SOS2: variants seen among roughly 807,000 people sequenced by gnomAD.
SOS2 encodes the protein SOS Ras/Rho guanine nucleotide exchange factor 2, also known as son of sevenless homolog 2.
Under a neutral mutation model 148.2 loss-of-function variants are expected in SOS2, and 65 were observed. The ratio of observed to expected loss-of-function variants is 0.44; its 90% CI spans 0.36 to 0.54. The LOEUF (loss-of-function observed/expected upper bound fraction) is 0.54. SOS2 is among the 20% of genes least tolerant of loss of function. The probability of loss-of-function intolerance (pLI) is 0.00; values close to 1 mark genes in which losing one functional copy is unlikely to be tolerated. For synonymous variants in SOS2, 539 were observed against 537.1 expected (o/e 1.00, Z -0.05); for missense variants, 1,341 against 1,590.2 (o/e 0.84, Z 2.67).
chr14:50,213,312 A>T (rs1199826912), intron 1 of SOS2, among the ~76,000 whole-genome samples: 2 of 152,204 alleles, frequency 1.3e-5, no homozygotes, highest in Non-Finnish European at 2.9e-5. Context: ...TTTGGTAATA[A>T]GTGTACTACA....
chr14:50,118,141 C>CAAT lies in SOS2; in HGVS notation c.*200_*202dup, dbSNP rs1225175437. On this transcript the variant is annotated 3_prime_UTR_variant, in exon 23 of 23. Coordinates refer to ENST00000216373, the MANE Select transcript of SOS2 (RefSeq NM_006939.4). Reference sequence around the variant, plus strand: ...GCAGCACTGAGGATCCAAGACAAGGCAATGCTACTGATCACCTGAGGATAA... The same window carrying CAAT: ...GCAGCACTGAGGATCCAAGACAAGGCAATAATGCTACTGATCACCTGAGGATAA... 1.8e-5 allele frequency: 10 copies of CAAT among 543,342 alleles called. No individual in the cohort carries two copies. Among genetic ancestry groups the CAAT allele is most frequent in the Middle Eastern group, 4.8e-4 (1 of 2,084 alleles). The allele number at this position is 543,342 out of a possible 1,614,324, so 33.7% of individuals were successfully genotyped here.
intron 1 of SOS2, among the ~76,000 whole-genome samples, chr14:50,224,583 T>C (rs920235246): frequency 2.0e-5 from 3 of 151,778 alleles, no homozygotes; most frequent in Non-Finnish European, 4.4e-5. Flanking sequence ...ATAATATACT[T>C]TGTATGTAAG....
At chr14:50,181,290 T>C (rs1734776113) in intron 6 of SOS2, among the ~76,000 whole-genome samples, 1 of 151,908 alleles carries the variant, frequency 6.6e-6, no homozygotes, top group Non-Finnish European at 1.5e-5. Flanking sequence ...CTACTAAAAA[T>C]ACAAAAAATT....
At chr14:50,160,808 TG>T (rs1884981954) in intron 9 of SOS2, among the ~76,000 whole-genome samples, 1 of 152,144 alleles carries the variant, frequency 6.6e-6, no homozygotes, top group Non-Finnish European at 1.5e-5. Context: ...AAGACCAGCC[TG>T]GGCAACATAG....
intron 1 of SOS2, among the ~76,000 whole-genome samples, chr14:50,212,212 G>A (rs1339264834): frequency 3.3e-5 from 5 of 152,296 alleles, no homozygotes; most frequent in Admixed American, 1.3e-4. Context: ...GCGGTGGCTC[G>A]CGCCTATAAT....
At chr14:50,188,830 A>G (rs1447408716) in intron 4 of SOS2, 130 bp from the exon 5 acceptor site, 1 of 628,336 alleles carries the variant, frequency 1.6e-6, no homozygotes, top group Admixed American at 3.5e-5. Flanking sequence ...TGGGAGGCCA[A>G]GGCAGGAGGA....
At chr14:50,172,560 ATTTT>A (rs1885403258) in intron 8 of SOS2, among the ~76,000 whole-genome samples, 1 of 151,368 alleles carries the variant, frequency 6.6e-6, no homozygotes, top group Admixed American at 6.6e-5. Flanking sequence ...TAAAAACATG[ATTTT>A]GCCATGTTGG....
intron 1 of SOS2, among the ~76,000 whole-genome samples, chr14:50,212,031 GCAGA>G (rs1886888687): frequency 6.6e-6 from 1 of 152,122 alleles, no homozygotes; most frequent in South Asian, 2.1e-4. Context: ...AAAAATGTTG[GCAGA>G]AAGAAGCCAG....
At chr14:50,126,148 A>G (rs1883673157) in intron 21 of SOS2, among the ~76,000 whole-genome samples, 2 of 152,240 alleles carry the variant, frequency 1.3e-5, no homozygotes, top group African/African-American at 4.8e-5. Context: ...AAAGCCTCCA[A>G]TATGAAAGAC....
intron 22 of SOS2, 138 bp downstream of exon 22, chr14:50,120,137 T>G (rs1232250951): frequency 1.7e-6 from 1 of 579,068 alleles, no homozygotes; most frequent in African/African-American, 1.9e-5. Flanking sequence ...ACTAAAAGTA[T>G]TTTTCAAATA....
chr14:50,207,608 C>T (rs1595024111), intron 1 of SOS2, among the ~76,000 whole-genome samples: 4 of 149,192 alleles, frequency 2.7e-5, no homozygotes, highest in African/African-American at 9.8e-5. Context: ...ATAATGTATA[C>T]AAATAAGATT....
intron 8 of SOS2, among the ~76,000 whole-genome samples, chr14:50,174,176 A>T (rs186683013): frequency 9.2e-6 from 1 of 108,738 alleles, no homozygotes; most frequent in African/African-American, 2.9e-5. Flanking sequence ...GAAGAGAGTC[A>T]TTTTTTTTAA....
rs538778863 is a variant in SOS2, at chr14:50,209,009, T to C, written c.88-4600A>G. 4.2e-4 allele frequency among the ~76,000 whole-genome samples: 64 copies of C among 152,292 alleles called. 1 individual carries two copies. The highest frequency in any genetic ancestry group is 1.4e-3 in the African/African-American group (57 of 41,578). ...CAGACTACCCTCCCCAGTGTGGCCT[T>C]ATCCACTTGACTAAAGGCCTGAATA... is the stretch of plus-strand genomic sequence containing the variant. On this transcript the variant is annotated intron_variant, in intron 1 of 22. Coordinates refer to ENST00000216373, the MANE Select transcript of SOS2 (RefSeq NM_006939.4).
intron 9 of SOS2, among the ~76,000 whole-genome samples, chr14:50,160,379 C>CTTTTTTTTTTTTTTTTTTTT (rs200021758): frequency 1.3e-5 from 1 of 78,852 alleles, no homozygotes; most frequent in Non-Finnish European, 2.4e-5. Flanking sequence ...CAATGCTAAT[C>CTTTTTTTTTTTTTTTTTTTT]TTTTTTTTTT....
In SOS2 at chr14:50,190,234, C is replaced by T. The variant is rs548291719; in HGVS notation, c.511-1534G>A. Among the ~76,000 whole-genome samples the T allele has an allele frequency of 2.0e-5, 3 of 151,756 alleles. No homozygotes were observed. The East Asian group carries it at 5.8e-4, about 29-fold the overall frequency. On this transcript the variant is annotated intron_variant, in intron 4 of 22. Transcript: ENST00000216373. ...AGTTAATTATATATTTAAGACTGACCGAAACGTACCCAGAGAGTTCAGCAT... is the reference window on the plus strand; with the variant it reads ...AGTTAATTATATATTTAAGACTGACTGAAACGTACCCAGAGAGTTCAGCAT...
At chr14:50,177,380 T>C (rs1885559170) in intron 7 of SOS2, among the ~76,000 whole-genome samples, 1 of 152,192 alleles carries the variant, frequency 6.6e-6, no homozygotes, top group South Asian at 2.1e-4. Flanking sequence ...TGTTTTTAGT[T>C]TTATTAAGGA....
chr14:50,194,944 T>C (rs73289650), intron 4 of SOS2, among the ~76,000 whole-genome samples: 1 of 152,076 alleles, frequency 6.6e-6, no homozygotes, highest in African/African-American at 2.4e-5. Flanking sequence ...TCAAGGTTTA[T>C]CAGACTTGTA....
intron 20 of SOS2, 148 bp downstream of exon 20, chr14:50,130,353 T>C (rs553276187): frequency 1.5e-6 from 1 of 683,368 alleles, no homozygotes. Context: ...GCTCTACTTC[T>C]TGTATTAATC....
At chr14:50,221,367 C>T (rs1191074692) in intron 1 of SOS2, among the ~76,000 whole-genome samples, 1 of 152,180 alleles carries the variant, frequency 6.6e-6, no homozygotes, top group African/African-American at 2.4e-5. Context: ...GCCATATGTA[C>T]TCTTTCCTAA....
Sources: allele counts gnomAD v4.1 joint callset (sites outside exome capture counted in the v4.1 genomes callset), GRCh38; gene constraint gnomAD v4.1.1; transcripts MANE v1.5; gene names NCBI Gene and HGNC (gene_info 2026-07-23, HGNC 2026-07-21).